CNTN4: variants seen among roughly 807,000 people sequenced by gnomAD.
CNTN4 encodes contactin 4, also known as contactin-4.
CNTN4 carries 77 observed loss-of-function variants against 122.5 expected under a neutral mutation model. That is an observed-to-expected ratio of 0.63 (90% CI 0.52 to 0.76). The LOEUF is 0.76. Ranked by LOEUF, CNTN4 falls within the 30% of genes least tolerant of loss-of-function variation. CNTN4 has a pLI of 0.00. For missense variants in CNTN4, 1,256 were observed against 1,259.1 expected, an observed-to-expected ratio of 1.00 and a Z score of 0.04; for synonymous variants, 512 against 447.0, an observed-to-expected ratio of 1.15 and a Z score of -1.83.
At chr3:2,703,779 C>G (rs868189803) in intron 4 of CNTN4, among the ~76,000 whole-genome samples, 1 of 151,894 alleles carries the variant, frequency 6.6e-6, no homozygotes, top group East Asian at 1.9e-4. Flanking sequence ...AATGCAAAAG[C>G]CATTCTTAGG....
chr3:2,373,568 T>TAG (rs2045711360), intron 3 of CNTN4, among the ~76,000 whole-genome samples: 1 of 152,220 alleles, frequency 6.6e-6, no homozygotes, highest in Admixed American at 6.5e-5. Context: ...TCACCCCACC[T>TAG]AAGAATCTAG....
intron 13 of CNTN4, among the ~76,000 whole-genome samples, chr3:2,962,154 T>C (rs2094867376): frequency 6.6e-6 from 1 of 152,256 alleles, no homozygotes; most frequent in African/African-American, 2.4e-5. Context: ...ACCTAACTTA[T>C]CTGGATCTCT....
intron 4 of CNTN4, among the ~76,000 whole-genome samples, chr3:2,639,942 C>A (rs1425347458): frequency 1.3e-5 from 2 of 152,132 alleles, no homozygotes; most frequent in Non-Finnish European, 2.9e-5. Flanking sequence ...CGTGCTAGGG[C>A]TAGAACTGTC....
intron 2 of CNTN4, among the ~76,000 whole-genome samples, chr3:2,324,867 T>C (rs2043399995): frequency 6.6e-6 from 1 of 151,930 alleles, no homozygotes; most frequent in Non-Finnish European, 1.5e-5. Flanking sequence ...TCCCCCCACC[T>C]CAAAAGCAGA....
chr3:2,775,741 A>C lies in CNTN4; in HGVS notation c.358+30044A>C, dbSNP rs375293450. Among the ~76,000 whole-genome samples the C allele has an allele frequency of 1.4e-4, 22 of 152,278 alleles. No individual in the cohort carries two copies. The East Asian group carries it at 3.5e-3, about 24-fold the overall frequency. The stretch of plus-strand genomic sequence containing the variant: ...CAGCCCATTTAATTTCTGTAATATA[A>C]TGTTTTAAAACTTTGCAACAGAGCA... On this transcript the variant is annotated intron_variant, in intron 6 of 24. Coordinates refer to ENST00000418658, the MANE Select transcript of CNTN4 (RefSeq NM_175607.3).
chr3:2,523,172 G>A (rs2077279462), intron 3 of CNTN4, among the ~76,000 whole-genome samples: 1 of 151,978 alleles, frequency 6.6e-6, no homozygotes, highest in South Asian at 2.1e-4. Context: ...GGAATGTTCT[G>A]GAGTATTATG....
chr3:2,465,760 G>T (rs60963841), intron 3 of CNTN4, among the ~76,000 whole-genome samples: 1,771 of 152,198 alleles, frequency 0.012, 49 homozygotes, highest in African/African-American at 0.041. Context: ...ACCTCTCTGT[G>T]TTTTCTTGAA....
chr3:2,393,210 A>G (rs1055065623), intron 3 of CNTN4, among the ~76,000 whole-genome samples: 7 of 151,716 alleles, frequency 4.6e-5, no homozygotes, highest in African/African-American at 1.5e-4. Context: ...CTGTCTCCGC[A>G]TTTCCTATTT....
intron 3 of CNTN4, among the ~76,000 whole-genome samples, chr3:2,543,532 G>A (rs886796433): frequency 1.3e-5 from 2 of 152,028 alleles, no homozygotes; most frequent in Non-Finnish European, 2.9e-5. Flanking sequence ...ATTCAACTTG[G>A]AGATACCATA....
At chr3:3,012,277 T>G (rs1298298414) in intron 14 of CNTN4, among the ~76,000 whole-genome samples, 1 of 152,188 alleles carries the variant, frequency 6.6e-6, no homozygotes, top group East Asian at 1.9e-4. Flanking sequence ...CAACAAAATA[T>G]CAGTTGAGAT....
chr3:2,294,731 G>A (rs2042246982), intron 2 of CNTN4, among the ~76,000 whole-genome samples: 1 of 152,064 alleles, frequency 6.6e-6, no homozygotes, highest in Non-Finnish European at 1.5e-5. Context: ...CAACGTGCAG[G>A]TTTGTTACCT....
intron 2 of CNTN4, among the ~76,000 whole-genome samples, chr3:2,277,632 T>C (rs1453563651): frequency 6.6e-6 from 1 of 152,190 alleles, no homozygotes; most frequent in African/African-American, 2.4e-5. Context: ...TGCATAACTA[T>C]TCAGGTTTCC....
At chr3:2,142,296 GTTT>G (rs1253440890) in intron 2 of CNTN4, among the ~76,000 whole-genome samples, 1 of 151,820 alleles carries the variant, frequency 6.6e-6, no homozygotes, top group African/African-American at 2.4e-5. Context: ...CAGCTTTCTG[GTTT>G]TGTTTTTAGA....
At chr3:3,002,415 T>A (rs1696140728) in intron 14 of CNTN4, among the ~76,000 whole-genome samples, 1 of 152,092 alleles carries the variant, frequency 6.6e-6, no homozygotes, top group Non-Finnish European at 1.5e-5. Context: ...ATAATTCAGG[T>A]TTAGCTCAAA....
chr3:2,534,014 C>G (rs1332384760), intron 3 of CNTN4, among the ~76,000 whole-genome samples: 4 of 151,480 alleles, frequency 2.6e-5, no homozygotes, highest in African/African-American at 9.7e-5. Flanking sequence ...AGCCCTTTGT[C>G]AGATGAGTAG....
Position 2,931,019 on chromosome 3 carries a change from A to G in CNTN4, c.1358+5240A>G, listed in dbSNP as rs558127920. Among the ~76,000 whole-genome samples the G allele has an allele frequency of 6.6e-5, 10 of 152,366 alleles. No homozygotes were observed. In the South Asian group the frequency reaches 2.1e-3, roughly 32 times the overall value. On this transcript the variant is annotated intron_variant, in intron 13 of 24. Transcript: ENST00000418658. Reference sequence around the variant, plus strand: ...CTGTGGAGTTTAGACTTGAATCAGAAGACCATGGACAGAATTGAAGGATTT... The same window carrying G: ...CTGTGGAGTTTAGACTTGAATCAGAGGACCATGGACAGAATTGAAGGATTT...
At chr3:2,128,551 A>G (rs916836813) in intron 2 of CNTN4, among the ~76,000 whole-genome samples, 7 of 152,140 alleles carry the variant, frequency 4.6e-5, no homozygotes, top group Admixed American at 3.3e-4. Context: ...GGTGATCACA[A>G]TCTGAAGACT....
rs575053845 is a variant in CNTN4 at position 2,419,841 on chromosome 3, T to C, written c.-89+80608T>C. ...AGGACCCATTTTTCTTTTCCTTCCC[T>C]ATACATGCAAACATATACAAATATA... On this transcript the variant is annotated intron_variant, in intron 3 of 24. Transcript: ENST00000418658. Among the ~76,000 whole-genome samples, 300 of 152,334 alleles carry C rather than the reference T, an allele frequency of 2.0e-3. 2 individuals carry two copies. The highest frequency in any genetic ancestry group is 6.7e-3 in the African/African-American group (279 of 41,582).
intron 2 of CNTN4, among the ~76,000 whole-genome samples, chr3:2,242,536 T>C (rs183328653): frequency 3.3e-5 from 5 of 152,256 alleles, no homozygotes; most frequent in Non-Finnish European, 5.9e-5. Context: ...ACATCAGTTC[T>C]CCAGTGAGTT....
Sources: gnomAD v4.1 joint callset for allele counts (sites outside exome capture counted in the v4.1 genomes callset) on GRCh38, gnomAD v4.1.1 for gene constraint, MANE v1.5 for transcripts, NCBI Gene and HGNC (gene_info 2026-07-23, HGNC 2026-07-21) for gene names.